BCAT1: variants seen among roughly 807,000 people sequenced by gnomAD.
BCAT1 encodes branched-chain-amino-acid aminotransferase, cytosolic.
BCAT1 carries 48 observed loss-of-function variants against 52.4 expected under a neutral mutation model. The ratio of observed to expected loss-of-function variants is 0.92; its 90% CI spans 0.73 to 1.16. The LOEUF (loss-of-function observed/expected upper bound fraction) is 1.16. Ranked by LOEUF, BCAT1 falls within the 50% of genes most tolerant of loss-of-function variation. BCAT1 has a pLI of 0.00. For missense variants in BCAT1, 451 were observed against 457.1 expected, an observed-to-expected ratio of 0.99 and a Z score of 0.12; for synonymous variants, 167 against 161.3, an observed-to-expected ratio of 1.04 and a Z score of -0.27.
intron 6 of BCAT1, among the ~76,000 whole-genome samples, chr12:24,845,251 T>G (rs922733012): frequency 4.0e-5 from 6 of 149,950 alleles, no homozygotes; most frequent in African/African-American, 1.5e-4. Flanking sequence ...AAAAGACGCT[T>G]AAAACATATG....
intron 5 of BCAT1, among the ~76,000 whole-genome samples, chr12:24,851,420 A>G (rs1471928512): frequency 2.6e-5 from 4 of 152,208 alleles, no homozygotes; most frequent in African/African-American, 9.7e-5. Flanking sequence ...CTCAACACTC[A>G]GATCACCAAA....
chr12:24,873,222 T>C (rs559751430), intron 5 of BCAT1, among the ~76,000 whole-genome samples: 2 of 152,356 alleles, frequency 1.3e-5, no homozygotes, highest in South Asian at 4.1e-4. Flanking sequence ...TAAATGTTTT[T>C]ATTTAAATAT....
chr12:24,891,083 A>C (rs1464589513), intron 3 of BCAT1, among the ~76,000 whole-genome samples: 2 of 152,118 alleles, frequency 1.3e-5, no homozygotes, highest in African/African-American at 2.4e-5. Context: ...ATTTTTCTTG[A>C]AAGAGTAGTT....
At chr12:24,855,044 A>C (rs1309769902) in intron 5 of BCAT1, among the ~76,000 whole-genome samples, 2 of 152,192 alleles carry the variant, frequency 1.3e-5, no homozygotes, top group African/African-American at 4.8e-5. Flanking sequence ...AAGTCCAGTC[A>C]TCCTGCTAGC....
At chr12:24,823,770 G>A (rs1195869258) in intron 10 of BCAT1, among the ~76,000 whole-genome samples, 1 of 152,096 alleles carries the variant, frequency 6.6e-6, no homozygotes, top group African/African-American at 2.4e-5. Context: ...TAAGTTTCCT[G>A]AGGCCTCCCC....
At chr12:24,934,951 T>C (rs529169263) in intron 1 of BCAT1, among the ~76,000 whole-genome samples, 17 of 152,326 alleles carry the variant, frequency 1.1e-4, no homozygotes, top group African/African-American at 3.1e-4. Context: ...GATCAAGATA[T>C]TGTGGTTTCC....
At chr12:24,943,366 G>A (rs1483667801) in intron 1 of BCAT1, among the ~76,000 whole-genome samples, 1 of 151,878 alleles carries the variant, frequency 6.6e-6, no homozygotes, top group Non-Finnish European at 1.5e-5. Flanking sequence ...GGTGGCACAT[G>A]CCTGTGGTCC....
At chr12:24,891,963 T>A (rs1291005875) in intron 3 of BCAT1, among the ~76,000 whole-genome samples, 1 of 151,826 alleles carries the variant, frequency 6.6e-6, no homozygotes, top group Non-Finnish European at 1.5e-5. Context: ...TTCACCATGT[T>A]AGCCAGGATG....
intron 3 of BCAT1, among the ~76,000 whole-genome samples, chr12:24,892,575 A>G (rs1460749552): frequency 6.6e-6 from 1 of 152,222 alleles, no homozygotes; most frequent in South Asian, 2.1e-4. Context: ...GCACATAGCC[A>G]GGAGCAGTGG....
intron 2 of BCAT1, among the ~76,000 whole-genome samples, chr12:24,896,640 G>A (rs551096240): frequency 1.2e-4 from 18 of 152,200 alleles, no homozygotes; most frequent in African/African-American, 3.1e-4. Context: ...AGTGGTGGGC[G>A]CCTGTAATCC....
chr12:24,850,449 C>T (rs1391282121), intron 5 of BCAT1, among the ~76,000 whole-genome samples: 1 of 152,194 alleles, frequency 6.6e-6, no homozygotes, highest in East Asian at 1.9e-4. Context: ...CATTAGCACA[C>T]CTGCCCACAT....
chr12:24,900,010 TA>T (rs1037731375), intron 2 of BCAT1, among the ~76,000 whole-genome samples: 1 of 152,156 alleles, frequency 6.6e-6, no homozygotes, highest in African/African-American at 2.4e-5. Flanking sequence ...AGGGTGATTA[TA>T]GTTAACAACA....
chr12:24,885,476 G>A (rs193105003), intron 3 of BCAT1, among the ~76,000 whole-genome samples: 2,774 of 152,128 alleles, frequency 0.018, 31 homozygotes, highest in Admixed American at 0.031. Flanking sequence ...TGTATTCAAT[G>A]TAATCCAAAT....
chr12:24,882,937 A>G (rs533750280), intron 3 of BCAT1, among the ~76,000 whole-genome samples: 168 of 152,220 alleles, frequency 1.1e-3, no homozygotes, highest in African/African-American at 3.8e-3. Context: ...GCAAGCTTCC[A>G]TTACTATTTA....
chr12:24,833,800 C>T (rs11047673), intron 8 of BCAT1: 21,123 of 148,764 alleles, frequency 0.14, 1,890 homozygotes, highest in Middle Eastern at 0.24. Context: ...AAATTTGGTA[C>T]TCTTTCTACG....
At chr12:24,897,517 A>T (rs1269965190) in intron 2 of BCAT1, among the ~76,000 whole-genome samples, 1 of 152,102 alleles carries the variant, frequency 6.6e-6, no homozygotes, top group Non-Finnish European at 1.5e-5. Flanking sequence ...TAACTTTCTG[A>T]TTTGTACCTA....
At chr12:24,820,448 G>A (rs1435387210) in intron 10 of BCAT1, among the ~76,000 whole-genome samples, 1 of 152,136 alleles carries the variant, frequency 6.6e-6, no homozygotes, top group Non-Finnish European at 1.5e-5. Context: ...ATTTCCTTAA[G>A]AGTAAGTAAG....
Position 24,815,306 on chromosome 12 carries a change from G to A in BCAT1, c.*2702C>T, listed in dbSNP as rs1289180004. On this transcript the variant is annotated 3_prime_UTR_variant, in exon 11 of 11. Coordinates refer to ENST00000261192, the MANE Select transcript of BCAT1 (RefSeq NM_005504.7). ...CAGTTCTGTTTATATTAATGCACTT[G>A]TGAATTGCTGAATCTCATTTGATCA... 1 of 152,556 alleles carries A rather than the reference G, an allele frequency of 6.6e-6. No homozygotes were observed. Among genetic ancestry groups the A allele is most frequent in the African/African-American group, 2.4e-5 (1 of 41,442 alleles). The allele number at this position is 152,556 out of a possible 1,614,324, so 9.5% of individuals were successfully genotyped here.
Position 24,814,536 on chromosome 12 carries a change from T to C in BCAT1, c.*3472A>G, listed in dbSNP as rs6487419. ...TTCCCCAAAAGCAGAACTGAAACTG[T>C]AGCTTTAATAAAAAGCTCCAACAAT... On this transcript the variant is annotated 3_prime_UTR_variant, in exon 11 of 11. Coordinates refer to ENST00000261192, the MANE Select transcript of BCAT1 (RefSeq NM_005504.7). The C allele has an allele frequency of 0.73, 111,367 of 151,996 alleles. 40,896 individuals are homozygous for C. The highest frequency in any genetic ancestry group is 0.87 in the East Asian group (4,494 of 5,184). 9.4% of individuals were successfully genotyped at this position (151,996 alleles called of 1,614,324 possible).
Sources: gnomAD v4.1 joint callset for allele counts (sites outside exome capture counted in the v4.1 genomes callset) on GRCh38, gnomAD v4.1.1 for gene constraint, MANE v1.5 for transcripts, NCBI Gene and HGNC (gene_info 2026-07-23, HGNC 2026-07-21) for gene names.